The following TYRO3 variants were observed in gnomAD, a reference collection of about 807,000 sequenced individuals.
TYRO3 encodes the protein tyrosine-protein kinase receptor TYRO3.
Under a neutral mutation model 95.2 loss-of-function variants are expected in TYRO3, and 38 were observed. The ratio of observed to expected loss-of-function variants is 0.40; its 90% CI spans 0.31 to 0.52. The LOEUF (loss-of-function observed/expected upper bound fraction) is 0.52, where lower values mean the gene tolerates loss of function less well. TYRO3 is among the 20% of genes least tolerant of loss of function. The pLI is 0.56. For synonymous variants in TYRO3, 367 were observed against 432.9 expected (o/e 0.85, Z 1.89); for missense variants, 812 against 1,116.4 (o/e 0.73, Z 3.89).
At chr15:41,570,399 C>G in intron 11 of TYRO3, 59 bp downstream of exon 11, 1 of 1,425,402 alleles carries the variant, frequency 7.0e-7, no homozygotes. Flanking sequence ...CATCTGCATT[C>G]TTTTACCAAA....
At chr15:41,560,693 T>G (rs1164777293) in intron 1 of TYRO3, among the ~76,000 whole-genome samples, 2 of 152,230 alleles carry the variant, frequency 1.3e-5, no homozygotes, top group Non-Finnish European at 2.9e-5. Context: ...TCTTCAGCCC[T>G]GCTCCATTTG....
At chr15:41,559,533 G>A (rs2052135865) in intron 1 of TYRO3, 152 bp downstream of exon 1, 1 of 295,360 alleles carries the variant, frequency 3.4e-6, no homozygotes, top group South Asian at 1.6e-4. Context: ...GCACGCTGCG[G>A]AGTGCTCGCC....
Position 41,568,392 on chromosome 15 carries a change from C to T in TYRO3, c.1107+30C>T, listed in dbSNP as rs1304398414. On this transcript the variant is annotated intron_variant, in intron 8 of 18. Transcript: ENST00000263798. ...GACAGAACCCTCCCCTCTCTCCACTCTCCTGGAGTATAAGCCTTCAGGGTT... is the reference window on the plus strand; with the variant it reads ...GACAGAACCCTCCCCTCTCTCCACTTTCCTGGAGTATAAGCCTTCAGGGTT... 19 of 1,596,686 alleles carry T rather than the reference C, an allele frequency of 1.2e-5. No individual in the cohort carries two copies. In the African/African-American group the frequency reaches 2.0e-4, roughly 17 times the overall value.
intron 1 of TYRO3, among the ~76,000 whole-genome samples, chr15:41,560,085 G>A (rs2055625990): frequency 6.6e-6 from 1 of 152,234 alleles, no homozygotes; most frequent in African/African-American, 2.4e-5. Context: ...CCCCCATCCT[G>A]TGACTGGTCC....
At chr15:41,572,349 C>A in intron 14 of TYRO3, 94 bp from the exon 15 acceptor site, 2 of 1,500,852 alleles carry the variant, frequency 1.3e-6, no homozygotes, top group Non-Finnish European at 1.8e-6. Context: ...AGAGCCAGAG[C>A]TAGAGATGGG....
At position 41,578,025 on chromosome 15, in the gene TYRO3, G is replaced by A. The variant is rs754541814; in HGVS notation, c.2422G>A (p.Glu808Lys). The change falls in exon 19 of 19, where the codon GAG becomes AAG. Residue 808 changes from glutamate to lysine, a missense_variant. Physicochemically the swap from Glu to Lys is moderately conservative, Grantham distance 56. Transcript: ENST00000263798. ...CCAGGACCCCTTATACATCAACATC[G>A]AGAGAGCTGAGGAGCCCACTGCGGG... ...ASQDPLYINI[E>K]RAEEPTAGGS... 21 of 1,613,966 alleles carry A rather than the reference G, an allele frequency of 1.3e-5. No individual in the cohort carries two copies. In the East Asian group the frequency reaches 3.6e-4, roughly 27 times the overall value.
intron 3 of TYRO3, 185 bp from the exon 4 acceptor site, chr15:41,562,363 G>A: frequency 2.4e-6 from 1 of 417,876 alleles, no homozygotes. Flanking sequence ...AAATTCCTAA[G>A]GAGCCTGAAA....
intron 18 of TYRO3, among the ~76,000 whole-genome samples, chr15:41,577,071 CTT>C (rs1400915468): frequency 2.0e-5 from 3 of 152,092 alleles, no homozygotes; most frequent in African/African-American, 7.2e-5. Context: ...ACGTGTGTGA[CTT>C]TAGTCACGGT....
intron 18 of TYRO3, among the ~76,000 whole-genome samples, chr15:41,576,719 A>T (rs2140836656): frequency 7.0e-6 from 1 of 143,790 alleles, no homozygotes; most frequent in South Asian, 2.3e-4. Flanking sequence ...GCTGGAGTGC[A>T]GTAATGCAAT....
intron 5 of TYRO3, chr15:41,564,767 C>G (rs976617689): frequency 4.1e-6 from 2 of 489,102 alleles, no homozygotes; most frequent in Non-Finnish European, 7.5e-6. Flanking sequence ...ACCCTCTCAT[C>G]TTATTCCTCA....
chr15:41,569,558 T>C (rs2055768752), intron 9 of TYRO3, among the ~76,000 whole-genome samples: 1 of 151,822 alleles, frequency 6.6e-6, no homozygotes, highest in Non-Finnish European at 1.5e-5. Flanking sequence ...ATTGCTTGAG[T>C]CTAGGAGTTT....
At chr15:41,571,200 G>A in intron 13 of TYRO3, 82 bp downstream of exon 13, 1 of 1,378,392 alleles carries the variant, frequency 7.3e-7, no homozygotes, top group Non-Finnish European at 1.0e-6. Flanking sequence ...GCTCTGCTTT[G>A]CCCCTAGATT....
In TYRO3 at chr15:41,569,037, T is replaced by C. The variant is rs1462788041; in HGVS notation, c.1252+15T>C. ...TGACCGTGCAGGTGAGGCTTGTAGG[T>C]GGAGAGGGGCAGAGGCTCAGGGGAT... On this transcript the variant is annotated intron_variant, in intron 9 of 18. Transcript: ENST00000263798. 6.4e-7 allele frequency: 1 copy of C among 1,571,760 alleles called. No individual in the cohort carries two copies. The highest frequency in any genetic ancestry group is 8.7e-7 in the Non-Finnish European group (1 of 1,151,416).
chr15:41,574,972 G>A (rs2055843079), intron 18 of TYRO3, among the ~76,000 whole-genome samples: 1 of 152,198 alleles, frequency 6.6e-6, no homozygotes. Context: ...ATCTGCCTTG[G>A]CCTCCCAAAA....
chr15:41,574,136 C>T (rs1294921904), intron 18 of TYRO3, among the ~76,000 whole-genome samples: 2 of 152,200 alleles, frequency 1.3e-5, no homozygotes, highest in African/African-American at 4.8e-5. Context: ...GCCATCTTCC[C>T]ACCCGTCATT....
chr15:41,577,416 C>G (rs1465587089), intron 18 of TYRO3: 1 of 152,330 alleles, frequency 6.6e-6, no homozygotes, highest in Non-Finnish European at 1.5e-5. Flanking sequence ...ACCTCCACCT[C>G]CTGGGTTCAA....
intron 8 of TYRO3, 33 bp downstream of exon 8, chr15:41,568,395 C>CT (rs1425246123): frequency 1.3e-6 from 2 of 1,592,686 alleles, no homozygotes; most frequent in African/African-American, 2.7e-5. Flanking sequence ...CTCCACTCTC[C>CT]TGGAGTATAA....
At chr15:41,564,313 C>A (rs1464742612) in intron 5 of TYRO3, 43 bp downstream of exon 5, 4 of 1,573,778 alleles carry the variant, frequency 2.5e-6, no homozygotes, top group Non-Finnish European at 3.5e-6. Context: ...AGGCCAGGGG[C>A]ATTCCCAGCG....
intron 14 of TYRO3, 27 bp downstream of exon 14, chr15:41,571,714 T>C: frequency 9.8e-7 from 1 of 1,020,044 alleles, no homozygotes; most frequent in Non-Finnish European, 1.5e-6. Context: ...GGGAGGCAGA[T>C]AGAGAATAGG....
Sources: allele counts gnomAD v4.1 joint callset (sites outside exome capture counted in the v4.1 genomes callset), GRCh38; gene constraint gnomAD v4.1.1; transcripts MANE v1.5; gene names NCBI Gene and HGNC (gene_info 2026-07-23, HGNC 2026-07-21).